Variants in KIAA1549L observed in about 807,000 individuals in gnomAD.
KIAA1549L encodes KIAA1549 like.
KIAA1549L carries 88 observed loss-of-function variants against 160.7 expected under a neutral mutation model. That is an observed-to-expected ratio of 0.55 (90% CI 0.46 to 0.65). The LOEUF (loss-of-function observed/expected upper bound fraction) is 0.65, where lower values mean the gene tolerates loss of function less well. KIAA1549L is among the 30% of genes least tolerant of loss of function. The probability of loss-of-function intolerance (pLI) is 0.00; values close to 1 mark genes in which losing one functional copy is unlikely to be tolerated. For synonymous variants in KIAA1549L, 950 were observed against 976.7 expected (o/e 0.97, Z 0.51); for missense variants, 2,258 against 2,437.5 (o/e 0.93, Z 1.55).
chr11:33,451,798 C>G (rs1051254607), intron 1 of KIAA1549L, among the ~76,000 whole-genome samples: 2 of 152,214 alleles, frequency 1.3e-5, no homozygotes, highest in South Asian at 2.1e-4. Context: ...CCTTTCTCCC[C>G]CTTGAACAAG....
In KIAA1549L at chr11:33,645,741, GC is replaced by G. The variant is rs1187546030; in HGVS notation, c.5466del (p.Tyr1823IlefsTer7). 1 of 1,613,870 alleles carries G rather than the reference GC, an allele frequency of 6.2e-7. No individual in the cohort carries two copies. Among genetic ancestry groups the G allele is most frequent in the Non-Finnish European group, 8.5e-7 (1 of 1,179,892 alleles). On this transcript the variant is annotated frameshift_variant, in exon 17 of 21. Transcript: ENST00000658780. LOFTEE classifies it high-confidence loss of function. The stretch of plus-strand genomic sequence containing the variant: ...ATTGACAGAGTTCCTGAGCCCCGGG[GC>G]TATTCCAGGTCTCGACAGGTGAAAG... ...TNIDRVPEPR[G>X]YSRSRQVKGH... is the part of the protein sequence containing the mutation.
intron 1 of KIAA1549L, among the ~76,000 whole-genome samples, chr11:33,466,623 T>C (rs1369332392): frequency 6.6e-6 from 1 of 152,134 alleles, no homozygotes; most frequent in African/African-American, 2.4e-5. Flanking sequence ...GCTGGCTATA[T>C]ACCCAAAGGT....
intron 1 of KIAA1549L, among the ~76,000 whole-genome samples, chr11:33,430,360 A>G (rs1166735118): frequency 1.3e-5 from 2 of 151,032 alleles, no homozygotes; most frequent in Admixed American, 6.6e-5. Flanking sequence ...ATTTGGGGTG[A>G]TGTAGGTGGG....
At position 33,469,922 on chromosome 11, in the gene KIAA1549L, G is replaced by T. The variant is rs60688180; in HGVS notation, c.239-71880G>T. Among the ~76,000 whole-genome samples the T allele has an allele frequency of 7.9e-3, 1,206 of 152,196 alleles. 14 individuals carry two copies. Among genetic ancestry groups the T allele is most frequent in the African/African-American group, 0.028 (1,144 of 41,514 alleles). ...CTCTTTATATATTCTAGATACAAGCGTCTTATCAGACATTTGGTTTGCAAA... is the reference window on the plus strand; with the variant it reads ...CTCTTTATATATTCTAGATACAAGCTTCTTATCAGACATTTGGTTTGCAAA... On this transcript the variant is annotated intron_variant, in intron 1 of 20. Coordinates refer to ENST00000658780, the MANE Select transcript of KIAA1549L (RefSeq NM_012194.3).
rs897711431 is a variant in KIAA1549L at position 33,376,139 on chromosome 11, C to G, written c.-513C>G. 8.7e-5 allele frequency among the ~76,000 whole-genome samples: 13 copies of G among 149,828 alleles called. No individual in the cohort carries two copies. Among genetic ancestry groups the G allele is most frequent in the African/African-American group, 3.2e-4 (13 of 41,184 alleles). On this transcript the variant is annotated 5_prime_UTR_variant, in exon 1 of 21. Transcript: ENST00000658780. This position sits in a 1 kb window ranked among gnomAD's most constrained non-coding sequence, Gnocchi z 5.8. ...GAGGCGCCGCTCTGAGCTGCGGTAG[C>G]ACTCGCGGCCCGGGAACCCGAGCCG...
At chr11:33,517,718 C>T (rs1853380832) in intron 1 of KIAA1549L, among the ~76,000 whole-genome samples, 2 of 152,132 alleles carry the variant, frequency 1.3e-5, no homozygotes, top group Non-Finnish European at 2.9e-5. Flanking sequence ...GACAGAGGAA[C>T]ATGTTGAAAT....
chr11:33,560,851 G>A (rs763708220), intron 7 of KIAA1549L, among the ~76,000 whole-genome samples: 1 of 152,108 alleles, frequency 6.6e-6, no homozygotes, highest in Non-Finnish European at 1.5e-5. Flanking sequence ...TCAAATGTTT[G>A]TTTAATGGCA....
At chr11:33,540,534 C>A (rs915395350) in intron 1 of KIAA1549L, among the ~76,000 whole-genome samples, 3 of 152,166 alleles carry the variant, frequency 2.0e-5, no homozygotes, top group Non-Finnish European at 4.4e-5. Context: ...GGCATGAAAG[C>A]AGCATCCACC....
Position 33,645,994 on chromosome 11 carries a change from G to A in KIAA1549L, c.5718G>A (p.Pro1906=), listed in dbSNP as rs545187806. 5.9e-5 allele frequency: 94 copies of A among 1,605,768 alleles called. 1 individual carries two copies. The Middle Eastern group carries it at 6.7e-4, about 11-fold the overall frequency. The stretch of plus-strand genomic sequence containing the variant: ...CCAGGGCCGGGGTGCAGTGGGTGCC[G>A]ACCTACCGCCCAGAAATGTATCAGT... The part of the protein sequence containing the change: ...TRPRAGVQWV[P]TYRPEMYQYS... Residue 1906 remains proline (P), a synonymous_variant, in exon 17 of 21, where the codon CCG becomes CCA. Transcript: ENST00000658780.
intron 1 of KIAA1549L, among the ~76,000 whole-genome samples, chr11:33,478,839 G>A (rs1852348784): frequency 6.6e-6 from 1 of 152,080 alleles, no homozygotes; most frequent in Non-Finnish European, 1.5e-5. Context: ...CACCATGTTG[G>A]CCAGGATGGT....
chr11:33,673,426 A>G lies in KIAA1549L; in HGVS notation c.*5272A>G, dbSNP rs549874067. ...AAACACGCCCCCATCTCACACACAA[A>G]CTGAGAAAAGATTTGTATCAAACAG... On this transcript the variant is annotated 3_prime_UTR_variant, in exon 21 of 21. Coordinates refer to ENST00000658780, the MANE Select transcript of KIAA1549L (RefSeq NM_012194.3). 1.6e-4 allele frequency: 25 copies of G among 152,234 alleles called. No homozygotes were observed. Among genetic ancestry groups the G allele is most frequent in the African/African-American group, 5.3e-4 (22 of 41,520 alleles). 9.4% of individuals were successfully genotyped at this position (152,234 alleles called of 1,614,324 possible). A position where few individuals can be genotyped will look rare whatever the true frequency, so the allele number is the denominator to read the frequency against.
chr11:33,444,350 A>G (rs942712868), intron 1 of KIAA1549L, among the ~76,000 whole-genome samples: 2 of 152,150 alleles, frequency 1.3e-5, no homozygotes, highest in African/African-American at 4.8e-5. Context: ...ATAGAGATAG[A>G]TATGCTCTTA....
At chr11:33,435,544 C>G (rs1179646511) in intron 1 of KIAA1549L, among the ~76,000 whole-genome samples, 1 of 151,278 alleles carries the variant, frequency 6.6e-6, no homozygotes, top group Non-Finnish European at 1.5e-5. Context: ...AATTCTGTTG[C>G]TTTTAAAAAA....
intron 15 of KIAA1549L, among the ~76,000 whole-genome samples, chr11:33,610,973 G>A (rs1850634027): frequency 6.6e-6 from 1 of 152,172 alleles, no homozygotes; most frequent in South Asian, 2.1e-4. Context: ...TCATGGCCCT[G>A]TCACCTCCCA....
intron 12 of KIAA1549L, among the ~76,000 whole-genome samples, chr11:33,593,184 G>GT (rs1354880350): frequency 6.6e-6 from 1 of 152,202 alleles, no homozygotes; most frequent in Non-Finnish European, 1.5e-5. Context: ...AACTCCAGCA[G>GT]TTTGAGAGGC....
At chr11:33,467,721 C>T (rs1852092253) in intron 1 of KIAA1549L, among the ~76,000 whole-genome samples, 1 of 152,184 alleles carries the variant, frequency 6.6e-6, no homozygotes, top group Admixed American at 6.5e-5. Flanking sequence ...TAGGGAAAAT[C>T]TGTGAGCTGA....
At position 33,621,913 on chromosome 11, in the gene KIAA1549L, T is replaced by C. The variant is rs185175907; in HGVS notation, c.5409+3251T>C. 2.6e-5 allele frequency among the ~76,000 whole-genome samples: 4 copies of C among 152,324 alleles called. No homozygotes were observed. In the East Asian group the frequency reaches 7.7e-4, roughly 29 times the overall value. Reference sequence around the variant, plus strand: ...TGGCTATGAGGGAGACTCTGAAATTTATTGTTTGAATTATAACTTTGAAAA... The same window carrying C: ...TGGCTATGAGGGAGACTCTGAAATTCATTGTTTGAATTATAACTTTGAAAA... On this transcript the variant is annotated intron_variant, in intron 16 of 20. Transcript: ENST00000658780.
At chr11:33,447,646 C>A (rs188753864) in intron 1 of KIAA1549L, among the ~76,000 whole-genome samples, 60 of 151,398 alleles carry the variant, frequency 4.0e-4, no homozygotes, top group African/African-American at 1.2e-3. Context: ...CACACACACA[C>A]AAAATTTTAG....
chr11:33,454,496 C>G (rs1590256825), intron 1 of KIAA1549L, among the ~76,000 whole-genome samples: 1 of 152,112 alleles, frequency 6.6e-6, no homozygotes, highest in Non-Finnish European at 1.5e-5. Flanking sequence ...CCACTGAGCT[C>G]AGTGACCCTG....
Sources: allele counts gnomAD v4.1 joint callset (sites outside exome capture counted in the v4.1 genomes callset), GRCh38; gene constraint gnomAD v4.1.1; non-coding constraint Gnocchi (gnomAD v3.1); transcripts MANE v1.5; gene names NCBI Gene and HGNC (gene_info 2026-07-23, HGNC 2026-07-21).